Variants in ADAM19 observed in about 807,000 individuals in gnomAD.
ADAM19 encodes ADAM metallopeptidase domain 19, also known as disintegrin and metalloproteinase domain-containing protein 19.
ADAM19 carries 65 observed loss-of-function variants against 114.7 expected under a neutral mutation model. The ratio of observed to expected loss-of-function variants is 0.57; its 90% confidence interval spans 0.46 to 0.70. The LOEUF is 0.70. ADAM19 is among the 30% of genes least tolerant of loss of function. The pLI is 0.00. For synonymous variants in ADAM19, 466 were observed against 460.5 expected (o/e 1.01, Z -0.15); for missense variants, 1,063 against 1,204.7 (o/e 0.88, Z 1.74).
At chr5:157,486,795 A>T (rs901980556) in intron 21 of ADAM19, among the ~76,000 whole-genome samples, 3 of 143,474 alleles carry the variant, frequency 2.1e-5, no homozygotes, top group African/African-American at 5.4e-5. Flanking sequence ...CTCATCATTT[A>T]AAAAAAAAAA....
Position 157,575,719 on chromosome 5 carries a change from C to T in ADAM19, c.-23G>A, listed in dbSNP as rs1221210148. The stretch of plus-strand genomic sequence containing the variant: ...CATGGTGGCGGCGGCCCTTAGCGCT[C>T]GGCGCTCACACGCCCTCAGCCATAC... On this transcript the variant is annotated 5_prime_UTR_variant, in exon 1 of 23. Transcript: ENST00000257527. 2 of 1,307,264 alleles carry T rather than the reference C, an allele frequency of 1.5e-6. No homozygotes were observed. The highest frequency in any genetic ancestry group is 4.2e-5 in the Admixed American group (1 of 23,796). The allele number at this position is 1,307,264 out of a possible 1,614,324, so 81.0% of individuals were successfully genotyped here. A position where few individuals can be genotyped will look rare whatever the true frequency, so the allele number is the denominator to read the frequency against.
At chr5:157,566,929 C>T (rs1342919673) in intron 2 of ADAM19, among the ~76,000 whole-genome samples, 1 of 152,170 alleles carries the variant, frequency 6.6e-6, no homozygotes, top group Admixed American at 6.5e-5. Flanking sequence ...AACTCAGCCT[C>T]CCAAAGTGTT....
chr5:157,493,276 C>T (rs760935267), intron 15 of ADAM19, 99 bp from the exon 16 acceptor site: 127 of 1,344,032 alleles, frequency 9.4e-5, no homozygotes, highest in Non-Finnish European at 1.3e-4. Flanking sequence ...AGACAGCAGG[C>T]TTGCGTGGGG....
At chr5:157,571,856 C>T (rs769225725) in intron 1 of ADAM19, among the ~76,000 whole-genome samples, 4 of 152,120 alleles carry the variant, frequency 2.6e-5, no homozygotes, top group African/African-American at 4.8e-5. Flanking sequence ...AGTTTTCTTG[C>T]CTGTAAAATG....
rs11466792 is a variant in ADAM19 at position 157,491,500 on chromosome 5, A to G, written c.2095+115T>C. 7.7e-4 allele frequency: 588 copies of G among 762,810 alleles called. 6 individuals carry two copies. In the African/African-American group the frequency reaches 9.4e-3, roughly 12 times the overall value. 47.3% of individuals were successfully genotyped at this position (762,810 alleles called of 1,614,324 possible). On this transcript the variant is annotated intron_variant, in intron 18 of 22. Coordinates refer to ENST00000257527, the MANE Select transcript of ADAM19 (RefSeq NM_033274.5). ...CTGTCTTTATCCTGATTTCCTCTCTACAAAATCAGGACAATGAAGCTGATT... is the reference window on the plus strand; with the variant it reads ...CTGTCTTTATCCTGATTTCCTCTCTGCAAAATCAGGACAATGAAGCTGATT...
intron 1 of ADAM19, among the ~76,000 whole-genome samples, chr5:157,573,418 G>A (rs1206911626): frequency 9.2e-5 from 14 of 152,156 alleles, no homozygotes; most frequent in Non-Finnish European, 1.3e-4. Flanking sequence ...ATAGAATTCT[G>A]TCTGACAGAG....
chr5:157,530,755 T>G, intron 5 of ADAM19, 52 bp downstream of exon 5: 1 of 1,504,980 alleles, frequency 6.6e-7, no homozygotes, highest in Non-Finnish European at 9.2e-7. Flanking sequence ...TCTTGAAACT[T>G]CCATTCCTGG....
intron 7 of ADAM19, among the ~76,000 whole-genome samples, chr5:157,513,745 T>C (rs780621116): frequency 7.2e-5 from 11 of 152,328 alleles, no homozygotes; most frequent in African/African-American, 2.6e-4. Context: ...GCAATAATTA[T>C]GCACGGAGTA....
intron 3 of ADAM19, among the ~76,000 whole-genome samples, chr5:157,563,187 A>G (rs561491377): frequency 1.3e-5 from 2 of 152,138 alleles, no homozygotes; most frequent in Admixed American, 6.5e-5. Flanking sequence ...GACACAGGAG[A>G]GAAGAAACAC....
intron 2 of ADAM19, chr5:157,570,647 C>T (rs549633605): frequency 1.1e-4 from 47 of 420,508 alleles, no homozygotes; most frequent in South Asian, 4.8e-4. Flanking sequence ...AACACATCTG[C>T]ACTTAGCTTG....
At chr5:157,492,794 C>T (rs2113699957) in intron 16 of ADAM19, among the ~76,000 whole-genome samples, 179 bp downstream of exon 16, 1 of 152,284 alleles carries the variant, frequency 6.6e-6, no homozygotes, top group African/African-American at 2.4e-5. Context: ...TTCTTTAATC[C>T]TTCCGACAGT....
chr5:157,530,984 C>T, intron 4 of ADAM19, 101 bp from the exon 5 acceptor site: 1 of 932,998 alleles, frequency 1.1e-6, no homozygotes, highest in South Asian at 1.4e-5. Context: ...TTATTATATA[C>T]CTACCCAACC....
intron 1 of ADAM19, chr5:157,572,418 G>T: frequency 5.9e-6 from 2 of 341,628 alleles, no homozygotes; most frequent in Non-Finnish European, 6.0e-6. Flanking sequence ...GGTCTCCGTA[G>T]TGTTCCTGGG....
At chr5:157,497,989 C>T (rs1561530126) in intron 13 of ADAM19, among the ~76,000 whole-genome samples, 1 of 152,220 alleles carries the variant, frequency 6.6e-6, no homozygotes, top group African/African-American at 2.4e-5. Context: ...GTGAAGGGGT[C>T]CACTCCATGC....
chr5:157,519,218 C>CCT (rs1756198699), intron 6 of ADAM19, among the ~76,000 whole-genome samples: 1 of 152,192 alleles, frequency 6.6e-6, no homozygotes, highest in African/African-American at 2.4e-5. Context: ...AACCTCGAAA[C>CCT]CTCGAAACAC....
rs1489855481 is a variant in ADAM19, at chr5:157,563,841, TAAG to T, written c.251+529_251+531del. On this transcript the variant is annotated intron_variant, in intron 3 of 22. Transcript: ENST00000257527. Reference sequence around the variant, plus strand: ...GGCTACCACCCAAGATGAATGAGGTTAAGAAGATGGAAGAGCCGGGCCCGATGT... The same window carrying T: ...GGCTACCACCCAAGATGAATGAGGTTAAGATGGAAGAGCCGGGCCCGATGT... Among the ~76,000 whole-genome samples, 4 of 152,118 alleles carry T rather than the reference TAAG, an allele frequency of 2.6e-5. No homozygotes were observed. The South Asian group carries it at 8.3e-4, about 32-fold the overall frequency.
chr5:157,522,440 C>T (rs926076801), intron 5 of ADAM19, among the ~76,000 whole-genome samples: 9 of 152,210 alleles, frequency 5.9e-5, no homozygotes, highest in Non-Finnish European at 1.3e-4. Flanking sequence ...TGGAAGCATT[C>T]TAGTTCCAAG....
rs11466772 is a variant in ADAM19 at position 157,505,404 on chromosome 5, A to G, written c.1130+265T>C. On this transcript the variant is annotated intron_variant, in intron 11 of 22. Transcript: ENST00000257527. ...GAAATAAAAAAGACACATATGGCCA[A>G]GCCAATTTTATAACTCAACACCTTA... 2.8e-3 allele frequency among the ~76,000 whole-genome samples: 429 copies of G among 152,386 alleles called. 1 individual carries two copies. The highest frequency in any genetic ancestry group is 0.01 in the African/African-American group (418 of 41,596).
chr5:157,555,987 C>T (rs1757355846), intron 3 of ADAM19, among the ~76,000 whole-genome samples: 1 of 152,076 alleles, frequency 6.6e-6, no homozygotes, highest in East Asian at 1.9e-4. Context: ...ATTTAGGGCC[C>T]ATCCAGGTAA....
Sources: gnomAD v4.1 joint callset for allele counts (sites outside exome capture counted in the v4.1 genomes callset) on GRCh38, gnomAD v4.1.1 for gene constraint, MANE v1.5 for transcripts, NCBI Gene and HGNC (gene_info 2026-07-23, HGNC 2026-07-21) for gene names.